The following DCC variants were observed in gnomAD, a reference collection of about 807,000 sequenced individuals.
The protein encoded by DCC is netrin receptor DCC.
DCC carries 58 observed loss-of-function variants against 172.5 expected under a neutral mutation model. The observed-to-expected ratio is 0.34, with a 90% CI of 0.27 to 0.42. The LOEUF is 0.42. Ranked by LOEUF, DCC falls within the 10% of genes least tolerant of loss-of-function variation. The pLI is 1.00. For missense variants in DCC, 1,740 were observed against 1,791.0 expected (o/e 0.97, Z 0.51); for synonymous variants, 709 against 644.5 (o/e 1.10, Z -1.52).
At chr18:52,906,755 T>C (rs77091188) in intron 3 of DCC, among the ~76,000 whole-genome samples, 400 of 152,064 alleles carry the variant, frequency 2.6e-3, no homozygotes, top group Non-Finnish European at 4.2e-3. Context: ...ACTATAGATA[T>C]ATGATACATA....
chr18:53,327,289 T>A (rs2057477602), intron 14 of DCC, among the ~76,000 whole-genome samples: 1 of 152,138 alleles, frequency 6.6e-6, no homozygotes, highest in Admixed American at 6.6e-5. Flanking sequence ...ATTTATTTTG[T>A]GCCTCAAAAT....
intron 1 of DCC, among the ~76,000 whole-genome samples, chr18:52,401,956 G>T (rs913702081): frequency 6.6e-6 from 1 of 151,686 alleles, no homozygotes; most frequent in African/African-American, 2.4e-5. Context: ...GCCTTTTCTG[G>T]AAGAAAATTT....
At chr18:52,897,718 G>A (rs908587845) in intron 2 of DCC, among the ~76,000 whole-genome samples, 1 of 147,066 alleles carries the variant, frequency 6.8e-6, no homozygotes, top group Non-Finnish European at 1.5e-5. Flanking sequence ...GATCACATAG[G>A]GTGAACATCG....
At chr18:53,103,371 T>C (rs1460756233) in intron 7 of DCC, among the ~76,000 whole-genome samples, 1 of 151,908 alleles carries the variant, frequency 6.6e-6, no homozygotes, top group African/African-American at 2.4e-5. Flanking sequence ...TTGTATTTGT[T>C]TAGGGTGTTT....
intron 7 of DCC, among the ~76,000 whole-genome samples, chr18:53,076,241 G>A (rs2042723627): frequency 6.6e-6 from 1 of 152,154 alleles, no homozygotes; most frequent in South Asian, 2.1e-4. Flanking sequence ...GGACTTCTGA[G>A]TCTACAAGCC....
At chr18:53,161,238 T>C (rs1348179747) in intron 8 of DCC, among the ~76,000 whole-genome samples, 3 of 152,248 alleles carry the variant, frequency 2.0e-5, no homozygotes, top group Non-Finnish European at 4.4e-5. Flanking sequence ...CTTATCAAGG[T>C]TCACCAATAA....
chr18:52,876,541 A>C (rs1453133996), intron 2 of DCC, among the ~76,000 whole-genome samples: 2 of 152,226 alleles, frequency 1.3e-5, no homozygotes, highest in Non-Finnish European at 2.9e-5. Flanking sequence ...GTATTTTCTC[A>C]AGCCATAGAA....
intron 1 of DCC, among the ~76,000 whole-genome samples, chr18:52,377,255 A>G (rs1391053071): frequency 1.3e-5 from 2 of 152,308 alleles, no homozygotes; most frequent in East Asian, 1.9e-4. Flanking sequence ...ACCAGCCTAC[A>G]TTACTATCCT....
chr18:53,341,215 CAGAG>C (rs1323792807), intron 15 of DCC, among the ~76,000 whole-genome samples: 4 of 152,132 alleles, frequency 2.6e-5, no homozygotes, highest in African/African-American at 9.7e-5. Context: ...ACTCAACAGA[CAGAG>C]GGAGGGAGGT....
chr18:52,803,101 G>A (rs777612914), intron 2 of DCC, among the ~76,000 whole-genome samples: 11 of 152,032 alleles, frequency 7.2e-5, no homozygotes, highest in Non-Finnish European at 1.0e-4. Context: ...CAAACAATTC[G>A]GCCTTTTCTT....
intron 5 of DCC, among the ~76,000 whole-genome samples, chr18:52,986,223 A>G (rs1188139310): frequency 6.6e-6 from 1 of 152,180 alleles, no homozygotes; most frequent in East Asian, 1.9e-4. Flanking sequence ...TTACAGAATG[A>G]GAATGACTTA....
intron 1 of DCC, among the ~76,000 whole-genome samples, chr18:52,512,440 C>T (rs1447850638): frequency 6.6e-6 from 1 of 152,126 alleles, no homozygotes; most frequent in African/African-American, 2.4e-5. Flanking sequence ...AACTTCTCGC[C>T]CACTGAAGTT....
intron 1 of DCC, among the ~76,000 whole-genome samples, chr18:52,346,881 C>G (rs982304404): frequency 3.3e-5 from 5 of 152,148 alleles, no homozygotes; most frequent in African/African-American, 1.2e-4. Flanking sequence ...TTTCACTAAT[C>G]CAAATTTTTT....
At chr18:53,127,342 G>A (rs770045833) in intron 7 of DCC, among the ~76,000 whole-genome samples, 11 of 151,694 alleles carry the variant, frequency 7.3e-5, no homozygotes, top group Admixed American at 3.3e-4. Flanking sequence ...AGGATTATTC[G>A]GATAGAGCTT....
chr18:53,205,415 C>T (rs770766222), intron 10 of DCC, 51 bp downstream of exon 10: 2 of 1,575,774 alleles, frequency 1.3e-6, no homozygotes, highest in African/African-American at 1.4e-5. Flanking sequence ...TGTTTCCATC[C>T]ATTGGATAGC....
chr18:52,395,628 A>C (rs1986196230), intron 1 of DCC, among the ~76,000 whole-genome samples: 1 of 152,084 alleles, frequency 6.6e-6, no homozygotes, highest in African/African-American at 2.4e-5. Context: ...TATGAAGTCC[A>C]GCTGAGAAGC....
intron 2 of DCC, among the ~76,000 whole-genome samples, chr18:52,769,575 A>G (rs1197896654): frequency 6.6e-6 from 1 of 152,146 alleles, no homozygotes; most frequent in Non-Finnish European, 1.5e-5. Context: ...TTTTAATTTT[A>G]ATGCAATTCA....
At chr18:53,512,917 T>C (rs1257565670) in intron 27 of DCC, among the ~76,000 whole-genome samples, 1 of 151,546 alleles carries the variant, frequency 6.6e-6, no homozygotes, top group African/African-American at 2.4e-5. Context: ...ACTTCCCCAA[T>C]CTATCAAGGC....
At chr18:53,191,510 T>C (rs1165246454) in intron 9 of DCC, among the ~76,000 whole-genome samples, 2 of 152,190 alleles carry the variant, frequency 1.3e-5, no homozygotes, top group Non-Finnish European at 2.9e-5. Context: ...TTACTTTCAA[T>C]GTGCCTACTA....
Sources: gnomAD v4.1 joint callset for allele counts (sites outside exome capture counted in the v4.1 genomes callset) on GRCh38, gnomAD v4.1.1 for gene constraint, MANE v1.5 for transcripts, NCBI Gene and HGNC (gene_info 2026-07-23, HGNC 2026-07-21) for gene names.